SOCS7: variants seen among roughly 807,000 people sequenced by gnomAD.
SOCS7 encodes the protein suppressor of cytokine signaling 7.
Under a neutral mutation model 58.9 loss-of-function variants are expected in SOCS7, and 18 were observed. The ratio of observed to expected loss-of-function variants is 0.31; its 90% CI spans 0.21 to 0.45. The LOEUF (loss-of-function observed/expected upper bound fraction) is 0.45. SOCS7 is among the 20% of genes least tolerant of loss of function. The pLI is 1.00. For missense variants in SOCS7, 667 were observed against 837.3 expected, an observed-to-expected ratio of 0.80 and a Z score of 2.51; for synonymous variants, 388 against 364.3, an observed-to-expected ratio of 1.06 and a Z score of -0.74.
rs747580210 is a variant in SOCS7 at position 38,400,199 on chromosome 17, G to A, written c.*717G>A. 5.3e-5 allele frequency: 8 copies of A among 152,224 alleles called. No homozygotes were observed. The highest frequency in any genetic ancestry group is 1.2e-4 in the Non-Finnish European group (8 of 68,050). The allele number at this position is 152,224 out of a possible 1,614,324, so 9.4% of individuals were successfully genotyped here. ...AACACCTCTCATGGAAGCTGTACTA[G>A]TTGTGATTTACTTAATTCCTTAAGT... On this transcript the variant is annotated 3_prime_UTR_variant, in exon 10 of 10. Coordinates refer to ENST00000612932, the MANE Select transcript of SOCS7 (RefSeq NM_014598.4).
chr17:38,352,913 C>T lies in SOCS7; in HGVS notation c.861C>T (p.Cys287=). The T allele has an allele frequency of 6.2e-7, 1 of 1,606,614 alleles. No homozygotes were observed. The highest frequency in any genetic ancestry group is 8.5e-7 in the Non-Finnish European group (1 of 1,177,616). The change falls in exon 1 of 10, where the codon TGC becomes TGT. Residue 287 remains cysteine (C), a synonymous_variant. Coordinates refer to ENST00000612932, the MANE Select transcript of SOCS7 (RefSeq NM_014598.4). This position sits in a 1 kb window ranked among gnomAD's most constrained non-coding sequence, Gnocchi z 5.5. The part of the protein sequence containing the change: ...RLSRLFRTKS[C]NGGSGGGDGT... ...GTCGCCTCTTTCGCACCAAGAGCTGCAACGGTGGCTCCGGCGGTGGGGATG... is the reference window on the plus strand; with the variant it reads ...GTCGCCTCTTTCGCACCAAGAGCTGTAACGGTGGCTCCGGCGGTGGGGATG...
intron 1 of SOCS7, among the ~76,000 whole-genome samples, 197 bp downstream of exon 1, chr17:38,353,229 A>C (rs756233478): frequency 8.6e-5 from 13 of 151,978 alleles, no homozygotes; most frequent in Non-Finnish European, 1.2e-4. Flanking sequence ...AAGAGTGCAC[A>C]CTCCGTGACA....
intron 7 of SOCS7, among the ~76,000 whole-genome samples, chr17:38,383,095 G>A (rs2038024044): frequency 6.6e-6 from 1 of 152,078 alleles, no homozygotes; most frequent in African/African-American, 2.4e-5. Context: ...ATATACCATA[G>A]GGGTTAAAAA....
Position 38,401,908 on chromosome 17 carries a change from G to C in SOCS7, c.*2426G>C, listed in dbSNP as rs1459963194. ...CAAGGGGTTATGATGGTGAGGTGGA[G>C]CCCAAAGCCCAAAGGAGTCAGCAAG... On this transcript the variant is annotated 3_prime_UTR_variant, in exon 10 of 10. Coordinates refer to ENST00000612932, the MANE Select transcript of SOCS7 (RefSeq NM_014598.4). 6.6e-6 allele frequency: 1 copy of C among 152,288 alleles called. No individual in the cohort carries two copies. The highest frequency in any genetic ancestry group is 2.4e-5 in the African/African-American group (1 of 41,458). 9.4% of individuals were successfully genotyped at this position (152,288 alleles called of 1,614,324 possible).
At chr17:38,363,930 A>G (rs1015880173) in intron 2 of SOCS7, among the ~76,000 whole-genome samples, 1 of 152,194 alleles carries the variant, frequency 6.6e-6, no homozygotes, top group Non-Finnish European at 1.5e-5. Context: ...GCTTGTGTTC[A>G]TATTAATAAA....
At chr17:38,395,697 G>A in intron 8 of SOCS7, 151 bp from the exon 9 acceptor site, 2 of 888,078 alleles carry the variant, frequency 2.3e-6, no homozygotes, top group African/African-American at 1.7e-5. Flanking sequence ...AGTGGTAAGA[G>A]TAAGGAAGAC....
intron 2 of SOCS7, among the ~76,000 whole-genome samples, chr17:38,362,741 A>C (rs1426941993): frequency 6.6e-6 from 1 of 152,216 alleles, no homozygotes; most frequent in Non-Finnish European, 1.5e-5. Context: ...GTTCTTACCC[A>C]AGCCCAGAAT....
At chr17:38,365,222 G>T in intron 3 of SOCS7, 86 bp from the exon 4 acceptor site, 2 of 999,130 alleles carry the variant, frequency 2.0e-6, no homozygotes, top group Non-Finnish European at 3.0e-6. Flanking sequence ...AGGGCAGCCT[G>T]ATAGTCCTTC....
chr17:38,366,082 C>T, intron 4 of SOCS7: 1 of 1,229,404 alleles, frequency 8.1e-7, no homozygotes, highest in Non-Finnish European at 1.1e-6. Flanking sequence ...GTGCCCCCAC[C>T]CATCCTTCAC....
chr17:38,397,523 A>G (rs1291237968), intron 9 of SOCS7, among the ~76,000 whole-genome samples: 1 of 152,206 alleles, frequency 6.6e-6, no homozygotes, highest in Admixed American at 6.5e-5. Context: ...CACAGCAAAA[A>G]GAGACATGGA....
chr17:38,365,268 C>A, intron 3 of SOCS7, 40 bp from the exon 4 acceptor site: 3 of 1,486,056 alleles, frequency 2.0e-6, no homozygotes, highest in Non-Finnish European at 2.8e-6. Flanking sequence ...TCATTCTGTG[C>A]TCACATTTCT....
chr17:38,389,868 C>CATATATATATATGT (rs2038135393), intron 7 of SOCS7, among the ~76,000 whole-genome samples: 1 of 18,608 alleles, frequency 5.4e-5, no homozygotes, highest in Non-Finnish European at 1.0e-4. Flanking sequence ...TATGTGTGTA[C>CATATATATATATGT]ATATATATAT....
rs909700312 is a variant in SOCS7, at chr17:38,351,916, C to G, written c.-137C>G. Among the ~76,000 whole-genome samples the G allele has an allele frequency of 2.6e-5, 4 of 151,244 alleles. No homozygotes were observed. In the South Asian group the frequency reaches 6.2e-4, roughly 23 times the overall value. On this transcript the variant is annotated 5_prime_UTR_variant, in exon 1 of 10. Coordinates refer to ENST00000612932, the MANE Select transcript of SOCS7 (RefSeq NM_014598.4). ...GCTGGGCTCCGCGCGCCCCCCGCCC[C>G]CCTCTATGAGGCAGAGGCCGCGGCG...
At chr17:38,360,267 G>C (rs1046468382) in intron 1 of SOCS7, among the ~76,000 whole-genome samples, 1 of 151,028 alleles carries the variant, frequency 6.6e-6, no homozygotes, top group African/African-American at 2.4e-5. Context: ...TGTGATCTTG[G>C]TTCACTGCAA....
chr17:38,353,825 C>T (rs1283918038), intron 1 of SOCS7, among the ~76,000 whole-genome samples: 1 of 152,180 alleles, frequency 6.6e-6, no homozygotes, highest in Non-Finnish European at 1.5e-5. Context: ...ACTCGGGAGG[C>T]TGAGGCAGGA....
At position 38,379,184 on chromosome 17, in the gene SOCS7, A is replaced by C. The variant is rs376513283; in HGVS notation, c.1681+1342A>C. On this transcript the variant is annotated intron_variant, in intron 7 of 9. Coordinates refer to ENST00000612932, the MANE Select transcript of SOCS7 (RefSeq NM_014598.4). Reference sequence around the variant, plus strand: ...AAAAAAAAAAACAAAAAAAAACAAAAAAAAAAAAACAAGGCAGGGGTTGGT... The same window carrying C: ...AAAAAAAAAAACAAAAAAAAACAAACAAAAAAAAACAAGGCAGGGGTTGGT... 4.3e-3 allele frequency among the ~76,000 whole-genome samples: 656 copies of C among 151,160 alleles called. 4 individuals carry two copies. The highest frequency in any genetic ancestry group is 0.025 in the East Asian group (126 of 5,094).
At chr17:38,371,933 A>G (rs1033868780) in intron 6 of SOCS7, among the ~76,000 whole-genome samples, 2 of 151,776 alleles carry the variant, frequency 1.3e-5, no homozygotes, top group Non-Finnish European at 2.9e-5. Context: ...TTTTAAAGTT[A>G]AAGAAGGAAA....
chr17:38,365,505 A>G lies in SOCS7; in HGVS notation c.1252+96A>G, dbSNP rs916776483. Reference sequence around the variant, plus strand: ...TGGGAGAAATCTATTTATGGAAATAACAGCTTAGTAGAAAGTTTAAATCTT... The same window carrying G: ...TGGGAGAAATCTATTTATGGAAATAGCAGCTTAGTAGAAAGTTTAAATCTT... On this transcript the variant is annotated intron_variant, in intron 4 of 9. Coordinates refer to ENST00000612932, the MANE Select transcript of SOCS7 (RefSeq NM_014598.4). 5.4e-6 allele frequency: 4 copies of G among 739,128 alleles called. No homozygotes were observed. In the African/African-American group the frequency reaches 7.2e-5, roughly 13 times the overall value. The allele number at this position is 739,128 out of a possible 1,614,324, so 45.8% of individuals were successfully genotyped here.
intron 9 of SOCS7, among the ~76,000 whole-genome samples, chr17:38,398,699 A>G (rs970284300): frequency 1.3e-5 from 2 of 152,160 alleles, no homozygotes; most frequent in African/African-American, 2.4e-5. Flanking sequence ...ACTATAGAGT[A>G]ATGGCTAGAA....
Sources: gnomAD v4.1 joint callset for allele counts (sites outside exome capture counted in the v4.1 genomes callset) on GRCh38, gnomAD v4.1.1 for gene constraint, Gnocchi (gnomAD v3.1) non-coding constraint, MANE v1.5 for transcripts, NCBI Gene and HGNC (gene_info 2026-07-23, HGNC 2026-07-21) for gene names.